Variants in CIRSR observed in about 807,000 individuals in gnomAD.
CIRSR encodes corepressor of RBPJ and splicing regulator, also known as CBF1 (RBPJ) interacting corepressor 1.
At chr2:174,376,377 T>C in the CIRSR span, among the ~76,000 whole-genome samples, 1 of 152,182 alleles carries the variant, frequency 6.6e-6, no homozygotes. Context: ...CTTCATTCAC[T>C]TGATCCTGAA....
At chr2:174,385,417 A>G in the CIRSR span, among the ~76,000 whole-genome samples, 1 of 152,166 alleles carries the variant, frequency 6.6e-6, no homozygotes, top group East Asian at 1.9e-4. Context: ...CAAATGACCA[A>G]TTACTCATAA....
At chr2:174,371,033 G>A in the CIRSR span, among the ~76,000 whole-genome samples, 2 of 152,056 alleles carry the variant, frequency 1.3e-5, no homozygotes, top group Non-Finnish European at 2.9e-5. Flanking sequence ...TTAAAACCAC[G>A]TTCTTTCACT....
the CIRSR span, chr2:174,381,658 GAAAAA>G: frequency 8.8e-7 from 1 of 1,133,474 alleles, no homozygotes; most frequent in Non-Finnish European, 1.2e-6. Context: ...CTGTGCCTCA[GAAAAA>G]AAAAAAAGAA....
At chr2:174,387,812 T>C in the CIRSR span, 1 of 1,522,626 alleles carries the variant, frequency 6.6e-7, no homozygotes, top group East Asian at 2.3e-5. Flanking sequence ...CAAATTAAAT[T>C]GTTGGATTTA....
the CIRSR span, chr2:174,395,422 C>G: frequency 2.2e-6 from 2 of 893,136 alleles, no homozygotes; most frequent in Non-Finnish European, 1.8e-6. Context: ...GGCGAGACCA[C>G]CAGGGCTTTA....
chr2:174,387,623 G>A, the CIRSR span: 2 of 1,503,022 alleles, frequency 1.3e-6, no homozygotes, highest in Non-Finnish European at 1.8e-6. Context: ...ATATCATTCA[G>A]TAGGAAATTA....
At chr2:174,356,238 G>C in the CIRSR span, among the ~76,000 whole-genome samples, 1 of 151,986 alleles carries the variant, frequency 6.6e-6, no homozygotes. Context: ...GGCAGAGGCG[G>C]GTGGATCGCC....
chr2:174,369,999 A>G, the CIRSR span: 1 of 1,365,420 alleles, frequency 7.3e-7, no homozygotes, highest in African/African-American at 1.5e-5. Context: ...GAAACCTTCA[A>G]TTTGTAACAC....
the CIRSR span, among the ~76,000 whole-genome samples, chr2:174,375,739 G>C: frequency 6.6e-6 from 1 of 152,118 alleles, no homozygotes; most frequent in African/African-American, 2.4e-5. Flanking sequence ...CATTCCTTTG[G>C]TTATTAATGT....
chr2:174,368,171 G>A, the CIRSR span, among the ~76,000 whole-genome samples: 20 of 152,286 alleles, frequency 1.3e-4, no homozygotes, highest in Middle Eastern at 6.8e-3. Context: ...GATTCAGCAA[G>A]CAGAAAATCA....
chr2:174,354,377 T>G, the CIRSR span, among the ~76,000 whole-genome samples: 1 of 119,772 alleles, frequency 8.3e-6, no homozygotes, highest in Admixed American at 1.2e-4. Flanking sequence ...TGTACATATA[T>G]TACTTATATA....
At chr2:174,348,891 T>A in the CIRSR span, 1 of 1,614,230 alleles carries the variant, frequency 6.2e-7, no homozygotes, top group Non-Finnish European at 8.5e-7. Flanking sequence ...AGAAAGTTCT[T>A]CATGAAGCTT....
the CIRSR span, among the ~76,000 whole-genome samples, chr2:174,383,957 A>G: frequency 6.6e-6 from 1 of 152,132 alleles, no homozygotes; most frequent in Non-Finnish European, 1.5e-5. Context: ...TCACTGTGAC[A>G]ACCAGTTTCA....
At chr2:174,380,704 T>A in the CIRSR span, 24 of 1,612,548 alleles carry the variant, frequency 1.5e-5, no homozygotes, top group Admixed American at 4.0e-4. Context: ...TCTCTCCTTC[T>A]GTTTCTTCTT....
At chr2:174,367,543 G>A in the CIRSR span, among the ~76,000 whole-genome samples, 1 of 152,050 alleles carries the variant, frequency 6.6e-6, no homozygotes, top group African/African-American at 2.4e-5. Flanking sequence ...TCATGCCACT[G>A]CACTCCAGCT....
At chr2:174,368,661 G>C in the CIRSR span, among the ~76,000 whole-genome samples, 2 of 152,158 alleles carry the variant, frequency 1.3e-5, no homozygotes, top group Admixed American at 1.3e-4. Flanking sequence ...TTCAGCTCAG[G>C]CAACAGAGAC....
At chr2:174,382,571 G>A in the CIRSR span, among the ~76,000 whole-genome samples, 2 of 152,074 alleles carry the variant, frequency 1.3e-5, no homozygotes, top group African/African-American at 2.4e-5. Context: ...TGTGGGAGGC[G>A]GAGGTTGCAG....
At chr2:174,365,938 A>G in the CIRSR span, among the ~76,000 whole-genome samples, 4 of 152,196 alleles carry the variant, frequency 2.6e-5, no homozygotes, top group African/African-American at 7.2e-5. Flanking sequence ...AATCTAAAAT[A>G]CTAAGATTAA....
chr2:174,380,078 T>C, the CIRSR span: 2 of 608,838 alleles, frequency 3.3e-6, no homozygotes, highest in South Asian at 2.6e-5. Flanking sequence ...CTATTCCTTA[T>C]ATTATCTGAT....
Sources: gnomAD v4.1 joint callset for allele counts (sites outside exome capture counted in the v4.1 genomes callset) on GRCh38, gnomAD v4.1.1 for gene constraint, MANE v1.5 for transcripts, NCBI Gene and HGNC (gene_info 2026-07-23, HGNC 2026-07-21) for gene names.